The following HOOK3 variants were observed in gnomAD, a reference collection of about 807,000 sequenced individuals.
HOOK3 encodes the protein hook microtubule tethering protein 3, also known as protein Hook homolog 3.
Under a neutral mutation model 116.3 loss-of-function variants are expected in HOOK3, and 24 were observed. The observed-to-expected ratio is 0.21, with a 90% confidence interval of 0.15 to 0.29. The LOEUF is 0.29. Ranked by LOEUF, HOOK3 falls within the 10% of genes least tolerant of loss-of-function variation. The pLI is 1.00. For synonymous variants in HOOK3, 275 were observed against 283.0 expected (o/e 0.97, Z 0.28); for missense variants, 632 against 830.2 (o/e 0.76, Z 2.93).
chr8:42,980,405 C>T (rs780919815), intron 13 of HOOK3, among the ~76,000 whole-genome samples: 24 of 152,132 alleles, frequency 1.6e-4, no homozygotes, highest in Admixed American at 3.9e-4. Flanking sequence ...TTAACCTTGC[C>T]GCTATAGTTT....
intron 9 of HOOK3, among the ~76,000 whole-genome samples, chr8:42,964,716 A>G (rs1189966971): frequency 6.6e-6 from 1 of 151,846 alleles, no homozygotes; most frequent in African/African-American, 2.4e-5. Flanking sequence ...AATCCTAGCT[A>G]CTCGGGAGGC....
intron 2 of HOOK3, among the ~76,000 whole-genome samples, chr8:42,908,507 A>G (rs772386379): frequency 5.3e-5 from 8 of 152,224 alleles, no homozygotes; most frequent in Non-Finnish European, 8.8e-5. Context: ...AGGAACCCAT[A>G]CATCTATAGT....
chr8:43,023,602 G>A lies in HOOK3; in HGVS notation c.*5104G>A. ...CTAGTAGCTAGGATTACAGGCATCT[G>A]CCACCACGCCCAGCTAATTTTTGTA... is the stretch of plus-strand genomic sequence containing the variant. On this transcript the variant is annotated 3_prime_UTR_variant, in exon 22 of 22. Transcript: ENST00000307602. 1 of 171,290 alleles carries A rather than the reference G, an allele frequency of 5.8e-6. No homozygotes were observed. The highest frequency in any genetic ancestry group is 1.1e-4 in the East Asian group (1 of 9,232). The allele number at this position is 171,290 out of a possible 1,614,324, so 10.6% of individuals were successfully genotyped here. A position where few individuals can be genotyped will look rare whatever the true frequency, so the allele number is the denominator to read the frequency against.
chr8:43,000,311 A>G, intron 16 of HOOK3: 1 of 1,269,062 alleles, frequency 7.9e-7, no homozygotes, highest in Admixed American at 2.3e-5. Flanking sequence ...TTATATAGTG[A>G]GCAGTTTTTG....
chr8:42,946,177 C>T (rs1047744338), intron 5 of HOOK3, among the ~76,000 whole-genome samples: 1 of 152,142 alleles, frequency 6.6e-6, no homozygotes, highest in Non-Finnish European at 1.5e-5. Context: ...TACCTGCCCT[C>T]AAGGAACTTG....
chr8:42,918,580 C>T (rs576279100), intron 2 of HOOK3, among the ~76,000 whole-genome samples: 20 of 152,158 alleles, frequency 1.3e-4, no homozygotes, highest in South Asian at 1.0e-3. Context: ...TGCCGCCTTC[C>T]GCAGTGTTTG....
intron 5 of HOOK3, among the ~76,000 whole-genome samples, chr8:42,945,920 T>C (rs1808217160): frequency 6.6e-6 from 1 of 152,078 alleles, no homozygotes; most frequent in South Asian, 2.1e-4. Flanking sequence ...GATAATAATA[T>C]AATTAATATC....
chr8:42,899,649 A>G (rs1198543492), intron 1 of HOOK3, among the ~76,000 whole-genome samples: 6 of 152,194 alleles, frequency 3.9e-5, no homozygotes, highest in Admixed American at 3.9e-4. Flanking sequence ...CTCCAAAGAA[A>G]AGACTCATTT....
rs1276693074 is a variant in HOOK3, at chr8:43,026,546, T to C, written c.*8048T>C. 4.7e-6 allele frequency: 1 copy of C among 213,744 alleles called. No individual in the cohort carries two copies. The highest frequency in any genetic ancestry group is 2.3e-5 in the African/African-American group (1 of 44,294). The allele number at this position is 213,744 out of a possible 1,614,324, so 13.2% of individuals were successfully genotyped here. The stretch of plus-strand genomic sequence containing the variant: ...AATGTAATACTTAGAAGCCAAATCC[T>C]TTCAAACGCAAACACCCTTGAAACT... On this transcript the variant is annotated 3_prime_UTR_variant, in exon 22 of 22. Coordinates refer to ENST00000307602, the MANE Select transcript of HOOK3 (RefSeq NM_032410.4).
rs1199360810 is a variant in HOOK3 at position 43,020,052 on chromosome 8, T to C, written c.*1554T>C. 5.0e-6 allele frequency: 1 copy of C among 198,158 alleles called. No individual in the cohort carries two copies. The highest frequency in any genetic ancestry group is 2.3e-5 in the African/African-American group (1 of 43,428). 12.3% of individuals were successfully genotyped at this position (198,158 alleles called of 1,614,324 possible). On this transcript the variant is annotated 3_prime_UTR_variant, in exon 22 of 22. Transcript: ENST00000307602. ...CAGCAACTATATTCAAGTGTTTGATTTTTAAATTCTTTCTTTCTTTTTAAT... is the reference window on the plus strand; with the variant it reads ...CAGCAACTATATTCAAGTGTTTGATCTTTAAATTCTTTCTTTCTTTTTAAT...
chr8:42,911,657 G>A (rs1159546101), intron 2 of HOOK3, among the ~76,000 whole-genome samples: 3 of 152,170 alleles, frequency 2.0e-5, no homozygotes, highest in Non-Finnish European at 4.4e-5. Context: ...AGGAGGTGCT[G>A]AAGAATATGA....
At chr8:42,922,060 C>A (rs1468818983) in intron 2 of HOOK3, among the ~76,000 whole-genome samples, 1 of 152,130 alleles carries the variant, frequency 6.6e-6, no homozygotes, top group Non-Finnish European at 1.5e-5. Flanking sequence ...TATCCACGTG[C>A]TAAACAATGA....
At chr8:42,993,157 A>G (rs1485438280) in intron 15 of HOOK3, among the ~76,000 whole-genome samples, 1 of 152,204 alleles carries the variant, frequency 6.6e-6, no homozygotes, top group African/African-American at 2.4e-5. Context: ...CCTGGGATCA[A>G]TCCCATTTGG....
chr8:42,968,154 A>G lies in HOOK3; in HGVS notation c.1062A>G (p.Leu354=). ...TGTATATGCAGAATACTGTCAGTCT[A>G]GAGGAAGAGTTAAGAAAGGCCAACG... ...NTMYMQNTVS[L]EEELRKANAA... The change falls in exon 11 of 22, where the codon CTA becomes CTG. Residue 354 remains leucine (L), a synonymous_variant. Transcript: ENST00000307602. 1 of 1,614,004 alleles carries G rather than the reference A, an allele frequency of 6.2e-7. No homozygotes were observed. The highest frequency in any genetic ancestry group is 8.5e-7 in the Non-Finnish European group (1 of 1,179,898).
intron 15 of HOOK3, among the ~76,000 whole-genome samples, chr8:42,988,418 G>T (rs1809089642): frequency 6.6e-6 from 1 of 152,138 alleles, no homozygotes; most frequent in Non-Finnish European, 1.5e-5. Flanking sequence ...ATACTGCTTT[G>T]TGTTGTTTCT....
chr8:42,922,282 CT>C (rs1807672174), intron 2 of HOOK3, among the ~76,000 whole-genome samples: 1 of 152,118 alleles, frequency 6.6e-6, no homozygotes, highest in Admixed American at 6.5e-5. Flanking sequence ...TGGCTCATGC[CT>C]GTGATCTCAG....
At chr8:43,004,782 G>A (rs896482240) in intron 17 of HOOK3, among the ~76,000 whole-genome samples, 8 of 151,618 alleles carry the variant, frequency 5.3e-5, no homozygotes, top group African/African-American at 1.9e-4. Flanking sequence ...AAGATGTTGA[G>A]CAATGGCAAT....
chr8:43,027,449 G>A lies in HOOK3; in HGVS notation c.*8951G>A, dbSNP rs756580455. The A allele has an allele frequency of 5.2e-5, 25 of 477,772 alleles. No homozygotes were observed. The highest frequency in any genetic ancestry group is 8.2e-5 in the Non-Finnish European group (20 of 243,794). 29.6% of individuals were successfully genotyped at this position (477,772 alleles called of 1,614,324 possible). On this transcript the variant is annotated 3_prime_UTR_variant, in exon 22 of 22. Coordinates refer to ENST00000307602, the MANE Select transcript of HOOK3 (RefSeq NM_032410.4). The stretch of plus-strand genomic sequence containing the variant: ...TGTAGATGAGAGACATGCTTTTAAA[G>A]TACAAAACGTTTCTCTTCTACCTTA...
intron 2 of HOOK3, among the ~76,000 whole-genome samples, chr8:42,922,181 CG>C (rs1423184923): frequency 6.6e-6 from 1 of 152,102 alleles, no homozygotes; most frequent in Non-Finnish European, 1.5e-5. Context: ...TCATGACTCT[CG>C]ATTAGGCAGG....
Sources: gnomAD v4.1 joint callset for allele counts (sites outside exome capture counted in the v4.1 genomes callset) on GRCh38, gnomAD v4.1.1 for gene constraint, MANE v1.5 for transcripts, NCBI Gene and HGNC (gene_info 2026-07-23, HGNC 2026-07-21) for gene names.